Variants in CADM2 observed in about 807,000 individuals in gnomAD.
The protein encoded by CADM2 is immunoglobulin superfamily member 4D.
Under a neutral mutation model 49.8 loss-of-function variants are expected in CADM2, and 12 were observed. The ratio of observed to expected loss-of-function variants is 0.24; its 90% CI spans 0.15 to 0.39. The LOEUF (loss-of-function observed/expected upper bound fraction) is 0.39, where lower values mean the gene tolerates loss of function less well. Among genes scored for constraint, CADM2 ranks in the 10% least tolerant of loss-of-function variants. The pLI, the probability that CADM2 is intolerant of heterozygous loss-of-function variation, is 1.00. For missense variants in CADM2, 378 were observed against 492.3 expected (o/e 0.77, Z 2.20); for synonymous variants, 214 against 175.4 (o/e 1.22, Z -1.74).
intron 8 of CADM2, among the ~76,000 whole-genome samples, chr3:86,042,773 C>CA (rs1309371346): frequency 2.0e-5 from 3 of 152,034 alleles, no homozygotes; most frequent in Non-Finnish European, 4.4e-5. Context: ...AAAGACACAA[C>CA]AAAAAATGAC....
intron 8 of CADM2, among the ~76,000 whole-genome samples, chr3:86,060,313 C>T (rs1738477070): frequency 6.6e-6 from 1 of 151,832 alleles, no homozygotes. Context: ...AAATTAAATA[C>T]ATCAATGAAA....
chr3:85,749,613 C>G (rs1254236188), intron 2 of CADM2, among the ~76,000 whole-genome samples: 1 of 151,924 alleles, frequency 6.6e-6, no homozygotes, highest in Non-Finnish European at 1.5e-5. Context: ...AGAGAAATCT[C>G]TACAGCAAAC....
intron 1 of CADM2, among the ~76,000 whole-genome samples, chr3:85,628,272 A>G (rs1218965889): frequency 1.3e-5 from 2 of 151,948 alleles, no homozygotes; most frequent in Non-Finnish European, 2.9e-5. Context: ...TGTTACTTGC[A>G]GCTCTGTTTA....
intron 8 of CADM2, among the ~76,000 whole-genome samples, chr3:85,963,489 T>G (rs760670769): frequency 2.0e-4 from 31 of 151,966 alleles, no homozygotes; most frequent in Non-Finnish European, 3.2e-4. Flanking sequence ...CATGCAGTCA[T>G]GTAAGGAAAG....
intron 1 of CADM2, among the ~76,000 whole-genome samples, chr3:85,492,834 A>ATTTT (rs2039732609): frequency 6.6e-6 from 1 of 152,166 alleles, no homozygotes; most frequent in Admixed American, 6.5e-5. Context: ...CAAACAATAA[A>ATTTT]GGTGTCATCT....
At chr3:85,464,629 C>T (rs1031417084) in intron 1 of CADM2, among the ~76,000 whole-genome samples, 1 of 152,118 alleles carries the variant, frequency 6.6e-6, no homozygotes, top group African/African-American at 2.4e-5. Context: ...ATTTTTCTCT[C>T]CGTTTAAAGG....
At chr3:85,814,670 A>C (rs1239988789) in intron 3 of CADM2, among the ~76,000 whole-genome samples, 1 of 152,106 alleles carries the variant, frequency 6.6e-6, no homozygotes, top group Non-Finnish European at 1.5e-5. Context: ...AGACACAATA[A>C]AAAATGATAT....
chr3:85,379,342 CTG>C (rs2033768470), intron 1 of CADM2, among the ~76,000 whole-genome samples: 1 of 151,860 alleles, frequency 6.6e-6, no homozygotes, highest in Non-Finnish European at 1.5e-5. Context: ...TTGTTTTAAA[CTG>C]TAGAGTTTAG....
At chr3:85,540,898 C>T (rs1235783758) in intron 1 of CADM2, among the ~76,000 whole-genome samples, 3 of 152,084 alleles carry the variant, frequency 2.0e-5, no homozygotes, top group Admixed American at 6.6e-5. Context: ...GTTCATCCTC[C>T]GTGTGTGTCA....
At chr3:85,003,033 C>A (rs957538142) in intron 1 of CADM2, among the ~76,000 whole-genome samples, 4 of 152,076 alleles carry the variant, frequency 2.6e-5, no homozygotes, top group African/African-American at 9.7e-5. Context: ...TGGCCTCAAG[C>A]AATCCTTCTG....
chr3:85,322,080 T>G (rs1488750461), intron 1 of CADM2, among the ~76,000 whole-genome samples: 1 of 151,872 alleles, frequency 6.6e-6, no homozygotes, highest in African/African-American at 2.4e-5. Context: ...ACATCAAATA[T>G]TGGGTGTGTG....
At chr3:85,828,810 G>A (rs2074045849) in intron 3 of CADM2, among the ~76,000 whole-genome samples, 1 of 151,828 alleles carries the variant, frequency 6.6e-6, no homozygotes, top group Non-Finnish European at 1.5e-5. Flanking sequence ...AGATAATAAT[G>A]ACCATGTAAC....
At chr3:85,258,888 G>A (rs747699793) in intron 1 of CADM2, among the ~76,000 whole-genome samples, 101 of 152,108 alleles carry the variant, frequency 6.6e-4, no homozygotes, top group Admixed American at 9.2e-4. Context: ...TTTCATATTG[G>A]AAACAGATAG....
At chr3:85,793,462 G>A (rs909896764) in intron 2 of CADM2, among the ~76,000 whole-genome samples, 1 of 152,136 alleles carries the variant, frequency 6.6e-6, no homozygotes, top group South Asian at 2.1e-4. Context: ...ACGCACAGAA[G>A]CACCAAAAAG....
Position 86,068,978 on chromosome 3 carries a change from C to A in CADM2, c.*2195C>A, listed in dbSNP as rs1739609933. The A allele has an allele frequency of 6.6e-6, 1 of 151,946 alleles. No individual in the cohort carries two copies. The highest frequency in any genetic ancestry group is 1.5e-5 in the Non-Finnish European group (1 of 67,840). The allele number at this position is 151,946 out of a possible 1,614,324, so 9.4% of individuals were successfully genotyped here. On this transcript the variant is annotated 3_prime_UTR_variant, in exon 10 of 10. Transcript: ENST00000383699. ...CTGTTCATATCTTTCAATGCATAAT[C>A]TTTAGAAAGACTCCACAAAGCAAAA...
chr3:85,944,420 A>G (rs1227371067), intron 7 of CADM2, among the ~76,000 whole-genome samples: 1 of 152,084 alleles, frequency 6.6e-6, no homozygotes, highest in African/African-American at 2.4e-5. Flanking sequence ...CACCAAGGAG[A>G]CCTAATAGAA....
intron 1 of CADM2, among the ~76,000 whole-genome samples, chr3:85,112,795 C>G (rs186686382): frequency 6.6e-6 from 1 of 151,410 alleles, no homozygotes; most frequent in African/African-American, 2.4e-5. Context: ...ACATATGTCC[C>G]CTTTTGTAGA....
chr3:85,151,622 T>G (rs2039925326), intron 1 of CADM2, among the ~76,000 whole-genome samples: 1 of 152,208 alleles, frequency 6.6e-6, no homozygotes, highest in South Asian at 2.1e-4. Flanking sequence ...CAAGTTATGA[T>G]GGCTCCCTCA....
At chr3:85,823,287 G>T (rs371453576) in intron 3 of CADM2, among the ~76,000 whole-genome samples, 1 of 152,030 alleles carries the variant, frequency 6.6e-6, no homozygotes, top group African/African-American at 2.4e-5. Context: ...TTACGAAATA[G>T]CTAAGAACCC....
Sources: allele counts gnomAD v4.1 joint callset (sites outside exome capture counted in the v4.1 genomes callset), GRCh38; gene constraint gnomAD v4.1.1; transcripts MANE v1.5; gene names NCBI Gene and HGNC (gene_info 2026-07-23, HGNC 2026-07-21).